Variants in KCNMA1 observed in about 807,000 individuals in gnomAD.
KCNMA1 encodes the protein potassium calcium-activated channel subfamily M alpha 1.
A neutral mutation model predicts 140.0 loss-of-function variants in KCNMA1; 29 were observed. The observed-to-expected ratio is 0.21, with a 90% CI of 0.15 to 0.28. KCNMA1 has a LOEUF of 0.28. Among genes scored for constraint, KCNMA1 ranks in the 10% least tolerant of loss-of-function variants. The pLI is 1.00. For synonymous variants in KCNMA1, 612 were observed against 611.9 expected (o/e 1.00, Z 0.00); for missense variants, 880 against 1,602.2 (o/e 0.55, Z 7.70).
intron 3 of KCNMA1, among the ~76,000 whole-genome samples, chr10:77,243,964 C>T (rs1287025245): frequency 2.0e-5 from 3 of 152,172 alleles, no homozygotes; most frequent in Non-Finnish European, 4.4e-5. Context: ...TGGATTTGAT[C>T]TTTTCCACCT....
rs945834732 is a variant in KCNMA1, at chr10:77,383,283, T to C, written c.540+20579A>G. ...GGTGCTCTCATTCTTATGCCAACAA[T>C]TGGCTTAGGACCGACCTGTGACTGG... On this transcript the variant is annotated intron_variant, in intron 2 of 27. Coordinates refer to ENST00000286628, the MANE Select transcript of KCNMA1 (RefSeq NM_001161352.2). 7.3e-5 allele frequency among the ~76,000 whole-genome samples: 11 copies of C among 151,686 alleles called. No individual in the cohort carries two copies. The East Asian group carries it at 2.1e-3, about 30-fold the overall frequency.
intron 1 of KCNMA1, among the ~76,000 whole-genome samples, chr10:77,479,901 G>A (rs770151279): frequency 1.3e-5 from 2 of 152,182 alleles, no homozygotes; most frequent in Non-Finnish European, 2.9e-5. Context: ...GCTCCTGAGG[G>A]GGATGAGGGG....
At chr10:77,371,570 C>T (rs936742315) in intron 2 of KCNMA1, among the ~76,000 whole-genome samples, 4 of 152,198 alleles carry the variant, frequency 2.6e-5, no homozygotes, top group African/African-American at 4.8e-5. Context: ...GGCCAAATGT[C>T]CACAGCTGGC....
chr10:77,387,560 T>TTTTC, intron 2 of KCNMA1, among the ~76,000 whole-genome samples: 1 of 129,142 alleles, frequency 7.7e-6, no homozygotes, highest in South Asian at 2.5e-4. Flanking sequence ...CTTTTCTTTT[T>TTTTC]CTTTTCTTTT....
intron 17 of KCNMA1, among the ~76,000 whole-genome samples, chr10:77,018,743 G>A (rs909371066): frequency 5.9e-5 from 9 of 152,102 alleles, no homozygotes; most frequent in African/African-American, 2.2e-4. Flanking sequence ...GGATGACCTC[G>A]AGCAGTCATT....
chr10:77,634,733 C>G, intron 1 of KCNMA1: 1 of 704,808 alleles, frequency 1.4e-6, no homozygotes, highest in Non-Finnish European at 1.7e-6. Flanking sequence ...TGTATCGAGT[C>G]TTGACAAAAC....
chr10:77,529,423 A>G (rs569201231), intron 1 of KCNMA1, among the ~76,000 whole-genome samples: 2 of 151,702 alleles, frequency 1.3e-5, no homozygotes, highest in Admixed American at 1.3e-4. Context: ...CCTTGTTAAG[A>G]TCTCCTCCTC....
chr10:77,043,049 T>C (rs1565735097), intron 14 of KCNMA1, among the ~76,000 whole-genome samples: 1 of 152,354 alleles, frequency 6.6e-6, no homozygotes, highest in South Asian at 2.1e-4. Flanking sequence ...TCCTGCAAGT[T>C]TGCCTCTGTG....
At chr10:77,512,401 T>C (rs1489875623) in intron 1 of KCNMA1, among the ~76,000 whole-genome samples, 5 of 152,200 alleles carry the variant, frequency 3.3e-5, no homozygotes, top group South Asian at 4.1e-4. Context: ...TATTACAGTA[T>C]ATTGTTATAA....
intron 27 of KCNMA1, 91 bp downstream of exon 27, chr10:76,889,359 TA>T (rs2038887026): frequency 2.3e-6 from 2 of 855,222 alleles, no homozygotes; most frequent in Non-Finnish European, 4.0e-6. Context: ...TGAGGAGATG[TA>T]TACAGACCTT....
intron 20 of KCNMA1, among the ~76,000 whole-genome samples, chr10:76,960,239 T>A (rs1283165496): frequency 1.3e-5 from 2 of 152,116 alleles, no homozygotes; most frequent in Non-Finnish European, 2.9e-5. Context: ...GCCTAAAGTC[T>A]AATAAGGAAC....
chr10:77,133,148 C>T lies in KCNMA1; in HGVS notation c.809-12100G>A, dbSNP rs117767604. 0.011 allele frequency among the ~76,000 whole-genome samples: 1,504 copies of T among 135,910 alleles called. 70 individuals are homozygous for T. The East Asian group carries it at 0.15, about 13-fold the overall frequency. 89.2% of individuals were successfully genotyped at this position (135,910 alleles called of 152,430 possible). ...CATAGCCTAGAGAAAAAAAAAAGGA[C>T]AAAGGAATTTAATCAAATGGAGAAA... On this transcript the variant is annotated intron_variant, in intron 5 of 27. Transcript: ENST00000286628.
At chr10:77,063,445 CA>C (rs922647875) in intron 14 of KCNMA1, among the ~76,000 whole-genome samples, 7 of 144,850 alleles carry the variant, frequency 4.8e-5, no homozygotes, top group East Asian at 2.0e-4. Flanking sequence ...ATCTCCGTCT[CA>C]AAAAAAAAAG....
chr10:77,496,650 C>T (rs2042064837), intron 1 of KCNMA1, among the ~76,000 whole-genome samples: 1 of 148,540 alleles, frequency 6.7e-6, no homozygotes, highest in Admixed American at 6.7e-5. Context: ...CCCTGTCAGA[C>T]CAGTGGGCCC....
intron 2 of KCNMA1, among the ~76,000 whole-genome samples, chr10:77,394,643 G>C (rs981294920): frequency 5.3e-5 from 8 of 152,210 alleles, no homozygotes; most frequent in African/African-American, 1.4e-4. Context: ...GGACCCACCT[G>C]GCTCTGGCCT....
chr10:77,146,701 C>CAAAAAAA (rs5786266), intron 5 of KCNMA1, among the ~76,000 whole-genome samples: 26 of 64,178 alleles, frequency 4.1e-4, no homozygotes, highest in East Asian at 2.4e-3. Flanking sequence ...GACTTCATCT[C>CAAAAAAA]AAAAAAAAAA....
chr10:76,974,626 C>A lies in KCNMA1; in HGVS notation c.2267-4559G>T, dbSNP rs758270831. ...TGGAAATTAATCCATAGTGAAATTTCTTTTAGAAAAGTTCCAAACAATTTT... is the reference window on the plus strand; with the variant it reads ...TGGAAATTAATCCATAGTGAAATTTATTTTAGAAAAGTTCCAAACAATTTT... On this transcript the variant is annotated intron_variant, in intron 19 of 27. Transcript: ENST00000286628. The A allele has an allele frequency of 7.9e-6, 10 of 1,268,684 alleles. No homozygotes were observed. In the Admixed American group the frequency reaches 1.2e-4, roughly 16 times the overall value. The allele number at this position is 1,268,684 out of a possible 1,614,324, so 78.6% of individuals were successfully genotyped here. A position where few individuals can be genotyped will look rare whatever the true frequency, so the allele number is the denominator to read the frequency against.
chr10:77,550,116 C>T (rs957261728), intron 1 of KCNMA1, among the ~76,000 whole-genome samples: 1 of 152,220 alleles, frequency 6.6e-6, no homozygotes, highest in Non-Finnish European at 1.5e-5. Context: ...GGCAGTGATG[C>T]TCACATCTGG....
intron 2 of KCNMA1, among the ~76,000 whole-genome samples, chr10:77,256,070 G>C (rs899839416): frequency 8.5e-5 from 13 of 152,122 alleles, no homozygotes; most frequent in Admixed American, 2.0e-4. Flanking sequence ...GTTCATGAAA[G>C]TTCATGAAAA....
Sources: gnomAD v4.1 joint callset for allele counts (sites outside exome capture counted in the v4.1 genomes callset) on GRCh38, gnomAD v4.1.1 for gene constraint, MANE v1.5 for transcripts, NCBI Gene and HGNC (gene_info 2026-07-23, HGNC 2026-07-21) for gene names.